The following PRPF40B variants were observed in gnomAD, a reference collection of about 807,000 sequenced individuals.
The protein encoded by PRPF40B is pre-mRNA-processing factor 40 homolog B.
In PRPF40B, 56 loss-of-function variants were observed where a neutral mutation model predicts 124.5. The observed-to-expected ratio is 0.45, with a 90% CI of 0.36 to 0.56. PRPF40B has a LOEUF of 0.56. PRPF40B is among the 20% of genes least tolerant of loss of function. The pLI is 0.00. For synonymous variants in PRPF40B, 443 were observed against 426.4 expected, an observed-to-expected ratio of 1.04 and a Z score of -0.48; for missense variants, 1,053 against 1,169.5, an observed-to-expected ratio of 0.90 and a Z score of 1.45.
intron 18 of PRPF40B, chr12:49,641,474 T>G: frequency 6.0e-6 from 1 of 167,444 alleles, no homozygotes; most frequent in Non-Finnish European, 1.3e-5. Context: ...TTAAATGAGA[T>G]AATGTGTGAA....
At chr12:49,630,282 T>G (rs1200344266) in intron 1 of PRPF40B, among the ~76,000 whole-genome samples, 1 of 152,206 alleles carries the variant, frequency 6.6e-6, no homozygotes, top group African/African-American at 2.4e-5. Context: ...TTTCTGTTGC[T>G]TTGACAAAAT....
chr12:49,643,230 A>G lies in PRPF40B; in HGVS notation c.2213A>G (p.Glu738Gly). ...ATCTGCTGATCTGCCCAGGGCTCTG[A>G]GTCAGAAGAAGAGGAGCTGCCCCCA... ...HKRSHSPSGS[E>G]SEEEELPPPS... The change falls in exon 23 of 26, where the codon GAG (glutamate) becomes GGG (glycine). Residue 738 changes from glutamate (E) to glycine (G), a missense_variant. Coordinates refer to ENST00000548825, the MANE Select transcript of PRPF40B (RefSeq NM_001031698.3). 6.2e-7 allele frequency: 1 copy of G among 1,614,042 alleles called. No individual in the cohort carries two copies. The highest frequency in any genetic ancestry group is 8.5e-7 in the Non-Finnish European group (1 of 1,180,016).
rs201024261 is a variant in PRPF40B at position 49,642,039 on chromosome 12, G to A, written c.1884+15G>A. Reference sequence around the variant, plus strand: ...CCTTCAATAGTGTGAGGGGCTGGGCGGGGCGTGGGAAGTTCTCTAATTCAT... The same window carrying A: ...CCTTCAATAGTGTGAGGGGCTGGGCAGGGCGTGGGAAGTTCTCTAATTCAT... On this transcript the variant is annotated intron_variant, in intron 19 of 25. Coordinates refer to ENST00000548825, the MANE Select transcript of PRPF40B (RefSeq NM_001031698.3). The surrounding 1 kb of genome is among the most constrained non-coding windows in gnomAD (Gnocchi z 5.8). 21 of 1,609,846 alleles carry A rather than the reference G, an allele frequency of 1.3e-5. No homozygotes were observed. The highest frequency in any genetic ancestry group is 4.5e-5 in the East Asian group (2 of 44,886).
chr12:49,634,750 T>C, intron 12 of PRPF40B, 148 bp downstream of exon 12: 1 of 894,952 alleles, frequency 1.1e-6, no homozygotes, highest in Non-Finnish European at 1.7e-6. Context: ...GAAGAAAAGC[T>C]GGAGGGCCTC....
intron 1 of PRPF40B, among the ~76,000 whole-genome samples, chr12:49,628,346 C>T (rs1269677252): frequency 6.6e-6 from 1 of 152,036 alleles, no homozygotes; most frequent in Non-Finnish European, 1.5e-5. Flanking sequence ...ATGCAACCTC[C>T]GCCTCCCAGG....
Position 49,642,131 on chromosome 12 carries a change from G to T in PRPF40B, c.1885-104G>T, listed in dbSNP as rs563769638. On this transcript the variant is annotated intron_variant, in intron 19 of 25. Transcript: ENST00000548825. This position sits in a 1 kb window ranked among gnomAD's most constrained non-coding sequence, Gnocchi z 5.8. The stretch of plus-strand genomic sequence containing the variant: ...CTATATTCCCAATTCAGGGGATGGT[G>T]GTAGAAGCCCAGACCCTAACTTTCC... 93 of 1,603,950 alleles carry T rather than the reference G, an allele frequency of 5.8e-5. No individual in the cohort carries two copies. In the African/African-American group the frequency reaches 1.2e-3, roughly 21 times the overall value.
rs1047813783 is a variant in PRPF40B, at chr12:49,644,313, A to T, written c.*121A>T. ...TGTCCACTTTTTCTAAAGTAACCCC[A>T]CCCCCAGCACACCATTGTTGGCACC... On this transcript the variant is annotated 3_prime_UTR_variant, in exon 26 of 26. Transcript: ENST00000548825. 4 of 1,087,330 alleles carry T rather than the reference A, an allele frequency of 3.7e-6. No homozygotes were observed. Among genetic ancestry groups the T allele is most frequent in the Non-Finnish European group, 4.1e-6 (3 of 736,858 alleles). The allele number at this position is 1,087,330 out of a possible 1,614,324, so 67.4% of individuals were successfully genotyped here.
Position 49,633,032 on chromosome 12 carries a change from C to T in PRPF40B, c.367C>T (p.His123Tyr). The change falls in exon 7 of 26, where the codon CAT becomes TAT. Residue 123 changes from histidine (H) to tyrosine (Y), a missense_variant. Transcript: ENST00000548825. ...CACCCAGAGGGCCCTATGGAGTGAGCATGTGGCCCCAGATGGGCGCATCTA... is the reference window on the plus strand; with the variant it reads ...CACCCAGAGGGCCCTATGGAGTGAGTATGTGGCCCCAGATGGGCGCATCTA... ...TGPPRALWSE[H>Y]VAPDGRIYYY... 7.6e-7 allele frequency: 1 copy of T among 1,324,082 alleles called. No individual in the cohort carries two copies. Among genetic ancestry groups the T allele is most frequent in the Non-Finnish European group, 1.0e-6 (1 of 974,770 alleles). The allele number at this position is 1,324,082 out of a possible 1,614,324, so 82.0% of individuals were successfully genotyped here.
chr12:49,635,432 GTTTATGATGA>G lies in PRPF40B; in HGVS notation c.1236_1245del (p.Tyr413SerfsTer24). 6.2e-7 allele frequency: 1 copy of G among 1,614,078 alleles called. No homozygotes were observed. Among genetic ancestry groups the G allele is most frequent in the Non-Finnish European group, 8.5e-7 (1 of 1,180,004 alleles). On this transcript the variant is annotated frameshift_variant, in exon 14 of 26. Transcript: ENST00000548825. LOFTEE classifies it high-confidence loss of function. This position sits in a 1 kb window ranked among gnomAD's most constrained non-coding sequence, Gnocchi z 4.1. ...GGTCCCTGAGAGGGATCGAAAAGAG[GTTTATGATGA>G]TGTCCTCTTCTTCCTGGCCAAGAAG...
chr12:49,637,161 C>T, intron 16 of PRPF40B: 1 of 573,376 alleles, frequency 1.7e-6, no homozygotes, highest in South Asian at 2.2e-5. Flanking sequence ...AGAGTTTATT[C>T]CCTCAGCTTG....
intron 15 of PRPF40B, 127 bp downstream of exon 15, chr12:49,636,120 C>G: frequency 8.4e-7 from 1 of 1,183,664 alleles, no homozygotes; most frequent in Non-Finnish European, 1.2e-6. Context: ...GTACTCAACA[C>G]TCACCCAGTC....
intron 1 of PRPF40B, chr12:49,623,918 G>A: frequency 8.7e-7 from 1 of 1,152,038 alleles, no homozygotes; most frequent in Non-Finnish European, 1.1e-6. Context: ...CGGAGATGAG[G>A]GGACTGAGGG....
At chr12:49,632,931 G>A in intron 6 of PRPF40B, 51 bp downstream of exon 6, 2 of 1,612,652 alleles carry the variant, frequency 1.2e-6, no homozygotes, top group South Asian at 1.1e-5. Context: ...GAGAGTGGGG[G>A]ACTGATAGTT....
rs1281096934 is a variant in PRPF40B, at chr12:49,637,512, A to T, written c.1603A>T (p.Met535Leu). The T allele has an allele frequency of 6.2e-7, 1 of 1,613,612 alleles. No homozygotes were observed. The highest frequency in any genetic ancestry group is 8.5e-7 in the Non-Finnish European group (1 of 1,180,004). The change falls in exon 17 of 26, where the codon ATG becomes TTG. Residue 535 changes from methionine to leucine, a missense_variant. Met to Leu is a conservative substitution (Grantham distance 15, BLOSUM62 2). This residue lies in a region of PRPF40B where 895 missense variants were observed against 1,052.2 expected (regional missense o/e 0.85). Transcript: ENST00000548825. ...ELHETGQLHS[M>L]STWMELYPAV... Reference sequence around the variant, plus strand: ...GCATGAGACAGGGCAGCTGCACTCTATGTCCACCTGGATGGAGCTATATCC... The same window carrying T: ...GCATGAGACAGGGCAGCTGCACTCTTTGTCCACCTGGATGGAGCTATATCC...
rs896339506 is a variant in PRPF40B, at chr12:49,636,109, A to C, written c.1426+116A>C. 6.9e-5 allele frequency: 89 copies of C among 1,294,784 alleles called. 2 individuals carry two copies. In the South Asian group the frequency reaches 1.2e-3, roughly 17 times the overall value. 80.2% of individuals were successfully genotyped at this position (1,294,784 alleles called of 1,614,324 possible). On this transcript the variant is annotated intron_variant, in intron 15 of 25. Transcript: ENST00000548825. ...CTCCTGCCCTCCCGGACACCCTAGGAGTACTCAACACTCACCCAGTCCTTG... is the reference window on the plus strand; with the variant it reads ...CTCCTGCCCTCCCGGACACCCTAGGCGTACTCAACACTCACCCAGTCCTTG...
chr12:49,642,965 G>A lies in PRPF40B; in HGVS notation c.2154G>A (p.Lys718=). ...ECQHLHTKGR[K]HGRKGKKHHH... is the part of the protein sequence containing the mutation. ...AGCACCTCCACACCAAAGGCCGAAA[G>A]CATGGCAGGAAAGGCAAGAAGCACC... is the stretch of plus-strand genomic sequence containing the variant. Residue 718 remains lysine, a synonymous_variant, in exon 22 of 26, where the codon AAG becomes AAA. Coordinates refer to ENST00000548825, the MANE Select transcript of PRPF40B (RefSeq NM_001031698.3). This position sits in a 1 kb window ranked among gnomAD's most constrained non-coding sequence, Gnocchi z 5.8. The A allele has an allele frequency of 6.2e-7, 1 of 1,613,864 alleles. No homozygotes were observed. The highest frequency in any genetic ancestry group is 1.1e-5 in the South Asian group (1 of 91,024).
intron 11 of PRPF40B, 30 bp from the exon 12 acceptor site, chr12:49,634,508 G>T (rs760060822): frequency 6.2e-7 from 1 of 1,614,186 alleles, no homozygotes; most frequent in Non-Finnish European, 8.5e-7. Context: ...AGCGGGGCAG[G>T]CCCCATGACT....
In PRPF40B at chr12:49,637,452, T is replaced by C; in HGVS notation, c.1561-18T>C. ...CTCCCTGTCTCACTCTCCCTATAAC[T>C]GGCCTCTCCCTGCTCAGACCTTCCT... On this transcript the variant is annotated intron_variant, in intron 16 of 25. Transcript: ENST00000548825. 6.3e-7 allele frequency: 1 copy of C among 1,582,728 alleles called. No homozygotes were observed. The highest frequency in any genetic ancestry group is 1.3e-5 in the African/African-American group (1 of 74,378).
chr12:49,624,261 G>T (rs987428395), intron 1 of PRPF40B: 2 of 757,610 alleles, frequency 2.6e-6, no homozygotes, highest in Non-Finnish European at 3.2e-6. Flanking sequence ...TCTCTTCCAG[G>T]GTCTAAATGA....
Sources: allele counts gnomAD v4.1 joint callset (sites outside exome capture counted in the v4.1 genomes callset), GRCh38; gene constraint gnomAD v4.1.1; regional missense constraint gnomAD v4.1.1; non-coding constraint Gnocchi (gnomAD v3.1); transcripts MANE v1.5; gene names NCBI Gene and HGNC (gene_info 2026-07-23, HGNC 2026-07-21).